AHCTF1: variants seen among roughly 807,000 people sequenced by gnomAD.
AHCTF1 encodes the protein AT-hook containing transcription factor 1.
A neutral mutation model predicts 248.4 loss-of-function variants in AHCTF1; 24 were observed. That is an observed-to-expected ratio of 0.10 (90% CI 0.07 to 0.14). The LOEUF (loss-of-function observed/expected upper bound fraction) is 0.14. AHCTF1 is among the 10% of genes least tolerant of loss of function. AHCTF1 has a pLI of 1.00. For missense variants in AHCTF1, 2,206 were observed against 2,636.2 expected (o/e 0.84, Z 3.57); for synonymous variants, 786 against 929.8 (o/e 0.85, Z 2.81).
intron 26 of AHCTF1, among the ~76,000 whole-genome samples, chr1:246,866,793 C>G (rs181469028): frequency 6.6e-6 from 1 of 152,220 alleles, no homozygotes; most frequent in East Asian, 1.9e-4. Flanking sequence ...ACAATTTCAT[C>G]TTGGATACAA....
chr1:246,843,710 TTA>T (rs1660036673), intron 34 of AHCTF1, 83 bp downstream of exon 34: 2 of 976,230 alleles, frequency 2.0e-6, no homozygotes, highest in Non-Finnish European at 2.6e-6. Flanking sequence ...TCATTAAAAT[TTA>T]AATAAAATAA....
chr1:246,916,415 C>A lies in AHCTF1; in HGVS notation c.122-20G>T. The A allele has an allele frequency of 6.2e-7, 1 of 1,600,560 alleles. No individual in the cohort carries two copies. ...TTTTCCCTAGAAGAAAAAAAAATTG[C>A]CTATTTTAATATTGTATATACACAA... On this transcript the variant is annotated intron_variant, in intron 2 of 35. Coordinates refer to ENST00000648844, the MANE Select transcript of AHCTF1 (RefSeq NM_001323342.2).
chr1:246,911,074 T>C (rs547225408), intron 4 of AHCTF1, among the ~76,000 whole-genome samples: 1 of 152,218 alleles, frequency 6.6e-6, no homozygotes, highest in Non-Finnish European at 1.5e-5. Flanking sequence ...AAAGTCCAAC[T>C]GCTTCCAATT....
chr1:246,869,068 T>A (rs1285312705), intron 24 of AHCTF1, among the ~76,000 whole-genome samples: 37 of 151,062 alleles, frequency 2.4e-4, no homozygotes, highest in African/African-American at 4.9e-5. Context: ...ATGGTCTCGA[T>A]CTCCTGACCT....
chr1:246,899,225 G>A (rs906815446), intron 11 of AHCTF1, among the ~76,000 whole-genome samples: 3 of 151,866 alleles, frequency 2.0e-5, no homozygotes, highest in Non-Finnish European at 2.9e-5. Context: ...TGAGGTTCAC[G>A]TAGCTAGCAT....
At chr1:246,842,321 C>T (rs1332151273) in intron 35 of AHCTF1, among the ~76,000 whole-genome samples, 1 of 152,068 alleles carries the variant, frequency 6.6e-6, no homozygotes, top group Admixed American at 6.6e-5. Context: ...GTGGCTCACA[C>T]CTGTCATCCA....
Position 246,840,028 on chromosome 1 carries a change from A to G in AHCTF1, c.*778T>C, listed in dbSNP as rs566820563. ...TTTGTTCAGACATCTCATCCTATCA[A>G]TATTAGGCACATACAAGATGCACTC... On this transcript the variant is annotated 3_prime_UTR_variant, in exon 36 of 36. Coordinates refer to ENST00000648844, the MANE Select transcript of AHCTF1 (RefSeq NM_001323342.2). The G allele has an allele frequency of 1.3e-5, 2 of 152,650 alleles. No homozygotes were observed. The highest frequency in any genetic ancestry group is 4.1e-4 in the South Asian group (2 of 4,824). 9.5% of individuals were successfully genotyped at this position (152,650 alleles called of 1,614,324 possible). A position where few individuals can be genotyped will look rare whatever the true frequency, so the allele number is the denominator to read the frequency against.
chr1:246,860,421 A>G (rs756914771), intron 29 of AHCTF1, among the ~76,000 whole-genome samples: 1 of 152,230 alleles, frequency 6.6e-6, no homozygotes, highest in Non-Finnish European at 1.5e-5. Context: ...TAAAAAATGT[A>G]ACACATAAGT....
At chr1:246,892,001 C>T (rs1664239158) in intron 14 of AHCTF1, 82 bp from the exon 15 acceptor site, 1 of 1,362,810 alleles carries the variant, frequency 7.3e-7, no homozygotes, top group South Asian at 1.4e-5. Context: ...TTCTCAAACT[C>T]CTATCACTCA....
At chr1:246,863,215 CT>C (rs1661704908) in intron 27 of AHCTF1, among the ~76,000 whole-genome samples, 4 of 152,116 alleles carry the variant, frequency 2.6e-5, no homozygotes, top group Non-Finnish European at 2.9e-5. Flanking sequence ...ATTGAGGTAT[CT>C]TTTATTCAAC....
intron 1 of AHCTF1, among the ~76,000 whole-genome samples, chr1:246,928,456 G>T (rs899533930): frequency 1.1e-4 from 17 of 152,064 alleles, no homozygotes; most frequent in African/African-American, 4.1e-4. Flanking sequence ...AATAAATTAG[G>T]ATAACAGGAT....
intron 27 of AHCTF1, among the ~76,000 whole-genome samples, 157 bp downstream of exon 27, chr1:246,863,767 T>C (rs754483583): frequency 1.3e-5 from 2 of 152,178 alleles, no homozygotes; most frequent in Non-Finnish European, 2.9e-5. Context: ...TTTAATTAGC[T>C]CCGTTTTTAG....
chr1:246,929,967 G>C (rs568417707), intron 1 of AHCTF1, among the ~76,000 whole-genome samples: 1 of 151,872 alleles, frequency 6.6e-6, no homozygotes, highest in African/African-American at 2.4e-5. Context: ...CAGGAGAATC[G>C]CTTGAACCTG....
chr1:246,871,555 A>C (rs1418432289), intron 24 of AHCTF1, among the ~76,000 whole-genome samples: 1 of 152,242 alleles, frequency 6.6e-6, no homozygotes, highest in East Asian at 1.9e-4. Context: ...CAGAAAAACA[A>C]GGTATACAGT....
At chr1:246,857,892 A>G in intron 29 of AHCTF1, 78 bp from the exon 30 acceptor site, 2 of 1,390,782 alleles carry the variant, frequency 1.4e-6, no homozygotes, top group Middle Eastern at 1.9e-4. Flanking sequence ...ATTACTTTTT[A>G]AAAAGTTGTT....
chr1:246,900,573 T>C (rs1664924428), intron 8 of AHCTF1, 104 bp from the exon 9 acceptor site: 3 of 1,247,490 alleles, frequency 2.4e-6, no homozygotes. Flanking sequence ...GCGGTTTAAT[T>C]CATATTTCAC....
At chr1:246,888,581 C>A in intron 17 of AHCTF1, 64 bp from the exon 18 acceptor site, 1 of 1,550,130 alleles carries the variant, frequency 6.5e-7, no homozygotes, top group Non-Finnish European at 8.8e-7. Flanking sequence ...AAGCAACCAG[C>A]ATCAAAATAT....
rs370800805 is a variant in AHCTF1, at chr1:246,862,160, T to G, written c.3541-7A>C. On this transcript the variant is annotated splice_polypyrimidine_tract_variant and splice_region_variant and intron_variant, in intron 27 of 35. Transcript: ENST00000648844. ...TGGCCAAACTTTTAGCTTTCTATAGTAAAGAGCAAATGGAATTACACCATT... is the reference window on the plus strand; with the variant it reads ...TGGCCAAACTTTTAGCTTTCTATAGGAAAGAGCAAATGGAATTACACCATT... 1.2e-6 allele frequency: 2 copies of G among 1,605,760 alleles called. No homozygotes were observed. The highest frequency in any genetic ancestry group is 2.7e-5 in the African/African-American group (2 of 74,328).
At position 246,876,137 on chromosome 1, in the gene AHCTF1, T is replaced by C. The variant is rs1662944035; in HGVS notation, c.2988A>G (p.Ile996Met). ...LRERSLARNSILDQYGKILPR... is the reference protein window; with the variant it reads ...LRERSLARNSMLDQYGKILPR... Reference sequence around the variant, plus strand: ...GAAGGATTTTTCCATACTGGTCTAATATAGAATTTCGAGCCAGTGATCTCT... The same window carrying C: ...GAAGGATTTTTCCATACTGGTCTAACATAGAATTTCGAGCCAGTGATCTCT... Residue 996 changes from isoleucine (I) to methionine (M), a missense_variant, in exon 24 of 36, where the codon ATA (isoleucine) becomes ATG (methionine). Coordinates refer to ENST00000648844, the MANE Select transcript of AHCTF1 (RefSeq NM_001323342.2). 3.7e-6 allele frequency: 6 copies of C among 1,607,230 alleles called. No individual in the cohort carries two copies. In the African/African-American group the frequency reaches 5.3e-5, roughly 14 times the overall value.
Sources: allele counts gnomAD v4.1 joint callset (sites outside exome capture counted in the v4.1 genomes callset), GRCh38; gene constraint gnomAD v4.1.1; transcripts MANE v1.5; gene names NCBI Gene and HGNC (gene_info 2026-07-23, HGNC 2026-07-21).